The following CCNC variants were observed in gnomAD, a reference collection of about 807,000 sequenced individuals.
The protein encoded by CCNC is cyclin C.
A neutral mutation model predicts 50.0 loss-of-function variants in CCNC; 19 were observed. That is an observed-to-expected ratio of 0.38 (90% confidence interval 0.27 to 0.56). CCNC has a LOEUF of 0.56. Ranked by LOEUF, CCNC falls within the 20% of genes least tolerant of loss-of-function variation. The pLI, the probability that CCNC is intolerant of heterozygous loss-of-function variation, is 0.72. For missense variants in CCNC, 200 were observed against 327.1 expected, an observed-to-expected ratio of 0.61 and a Z score of 3.00; for synonymous variants, 93 against 103.7, an observed-to-expected ratio of 0.90 and a Z score of 0.63.
chr6:99,564,338 C>T (rs908851349), intron 1 of CCNC, among the ~76,000 whole-genome samples: 1 of 149,544 alleles, frequency 6.7e-6, no homozygotes, highest in Non-Finnish European at 1.5e-5. Flanking sequence ...GACAGGAGAA[C>T]TGCTTGAACC....
intron 1 of CCNC, among the ~76,000 whole-genome samples, chr6:99,566,424 G>A (rs954182715): frequency 6.6e-6 from 1 of 151,922 alleles, no homozygotes; most frequent in Non-Finnish European, 1.5e-5. Flanking sequence ...TTATTTTCTA[G>A]ATAGTAAGTA....
At chr6:99,550,463 T>C in intron 7 of CCNC, 154 bp from the exon 8 acceptor site, 1 of 602,848 alleles carries the variant, frequency 1.7e-6, no homozygotes, top group Non-Finnish European at 2.9e-6. Context: ...GCTAGCAGTA[T>C]GACAGCCCTA....
At chr6:99,545,585 G>A (rs1189000969) in intron 10 of CCNC, among the ~76,000 whole-genome samples, 1 of 152,050 alleles carries the variant, frequency 6.6e-6, no homozygotes, top group Non-Finnish European at 1.5e-5. Flanking sequence ...AACTTAATCG[G>A]GGGTAGTGCA....
At chr6:99,565,385 T>G (rs1274938015) in intron 1 of CCNC, among the ~76,000 whole-genome samples, 2 of 152,064 alleles carry the variant, frequency 1.3e-5, no homozygotes, top group Non-Finnish European at 2.9e-5. Context: ...TATTTTCTGT[T>G]GCTAATGTAA....
At chr6:99,545,321 AC>A (rs1802027833) in intron 10 of CCNC, 91 bp from the exon 11 acceptor site, 2 of 681,832 alleles carry the variant, frequency 2.9e-6, no homozygotes, top group African/African-American at 3.6e-5. Flanking sequence ...CCCTCAGAAA[AC>A]AGTAAATAGT....
At chr6:99,568,004 G>A (rs978342498) in intron 1 of CCNC, 3 of 155,458 alleles carry the variant, frequency 1.9e-5, no homozygotes, top group Non-Finnish European at 4.3e-5. Flanking sequence ...CGGTTAGTAG[G>A]CAGAAACAAG....
intron 5 of CCNC, chr6:99,558,143 A>G (rs1398999643): frequency 7.0e-6 from 2 of 287,078 alleles, no homozygotes; most frequent in African/African-American, 4.3e-5. Context: ...CATAGATATT[A>G]ATATCTACCC....
intron 4 of CCNC, among the ~76,000 whole-genome samples, chr6:99,559,720 CTTTT>C (rs35825182): frequency 7.8e-6 from 1 of 128,620 alleles, no homozygotes. Flanking sequence ...AGGAATAATT[CTTTT>C]TTTTTTTTTT....
chr6:99,549,404 A>G, intron 9 of CCNC, 104 bp downstream of exon 9: 1 of 773,266 alleles, frequency 1.3e-6, no homozygotes, highest in Non-Finnish European at 2.3e-6. Context: ...CTATTACTTC[A>G]TGGAACATAA....
chr6:99,552,666 G>C (rs1562490026), intron 5 of CCNC, among the ~76,000 whole-genome samples: 1 of 152,124 alleles, frequency 6.6e-6, no homozygotes, highest in Non-Finnish European at 1.5e-5. Flanking sequence ...ATTCAACCAA[G>C]TAACTACTGA....
chr6:99,554,640 C>T (rs1802440035), intron 5 of CCNC, among the ~76,000 whole-genome samples: 1 of 152,194 alleles, frequency 6.6e-6, no homozygotes, highest in African/African-American at 2.4e-5. Context: ...ATCCTTTTGA[C>T]ATATCCTCAT....
At chr6:99,554,782 T>C (rs1039229522) in intron 5 of CCNC, among the ~76,000 whole-genome samples, 3 of 152,180 alleles carry the variant, frequency 2.0e-5, no homozygotes, top group African/African-American at 4.8e-5. Flanking sequence ...GGAGCCCTGG[T>C]ACCTTTTATT....
At chr6:99,568,285 C>T (rs942916841) in intron 1 of CCNC, 2 of 590,300 alleles carry the variant, frequency 3.4e-6, no homozygotes, top group Admixed American at 6.0e-5. Context: ...ACCCCTCCCC[C>T]TCACAGATCC....
intron 4 of CCNC, among the ~76,000 whole-genome samples, chr6:99,561,160 A>AT (rs1467211235): frequency 6.6e-6 from 1 of 152,200 alleles, no homozygotes; most frequent in Non-Finnish European, 1.5e-5. Context: ...TGTTACAAAG[A>AT]TTAAGTCAGT....
chr6:99,568,693 T>C (rs545117318), upstream of CCNC: 31 of 1,465,888 alleles, frequency 2.1e-5, no homozygotes, highest in African/African-American at 4.2e-4. Flanking sequence ...CCTAGTCTCC[T>C]TCACGCCGGC....
At chr6:99,563,571 T>C (rs1768949262) in intron 1 of CCNC, among the ~76,000 whole-genome samples, 1 of 152,220 alleles carries the variant, frequency 6.6e-6, no homozygotes, top group East Asian at 1.9e-4. Context: ...GTCAATGAAC[T>C]TGTTATTCAG....
Position 99,568,572 on chromosome 6 carries a change from G to A in CCNC, c.-45C>T. On this transcript the variant is annotated 5_prime_UTR_variant, in exon 1 of 12. Coordinates refer to ENST00000520429, the MANE Select transcript of CCNC (RefSeq NM_005190.4). ...TAAAAAAGCACCAGCCGGCGGAGCG[G>A]CCCGCGGAGCGACCATAGACCCAGC... is the stretch of plus-strand genomic sequence containing the variant. 6.3e-7 allele frequency: 1 copy of A among 1,599,672 alleles called. No individual in the cohort carries two copies. The highest frequency in any genetic ancestry group is 8.5e-7 in the Non-Finnish European group (1 of 1,173,654).
chr6:99,568,658 G>A lies in CCNC; in HGVS notation c.-131C>T. 2 of 1,523,746 alleles carry A rather than the reference G, an allele frequency of 1.3e-6. No homozygotes were observed. Among genetic ancestry groups the A allele is most frequent in the African/African-American group, 1.4e-5 (1 of 72,446 alleles). 94.4% of individuals were successfully genotyped at this position (1,523,746 alleles called of 1,614,324 possible). A position where few individuals can be genotyped will look rare whatever the true frequency, so the allele number is the denominator to read the frequency against. On this transcript the variant is annotated 5_prime_UTR_variant, in exon 1 of 12. Coordinates refer to ENST00000520429, the MANE Select transcript of CCNC (RefSeq NM_005190.4). Reference sequence around the variant, plus strand: ...CGGCTCGACTCCGCTCCGCGGCGGCGACGGCGAAAGGAAGAGGATGGCCCC... The same window carrying A: ...CGGCTCGACTCCGCTCCGCGGCGGCAACGGCGAAAGGAAGAGGATGGCCCC...
intron 1 of CCNC, chr6:99,566,871 T>G (rs1247994065): frequency 2.3e-6 from 1 of 434,962 alleles, no homozygotes; most frequent in Non-Finnish European, 4.6e-6. Flanking sequence ...ATATTTAATA[T>G]CAATTGCCCT....
Sources: gnomAD v4.1 joint callset for allele counts (sites outside exome capture counted in the v4.1 genomes callset) on GRCh38, gnomAD v4.1.1 for gene constraint, MANE v1.5 for transcripts, NCBI Gene and HGNC (gene_info 2026-07-23, HGNC 2026-07-21) for gene names.